The following CDC14A variants were observed in gnomAD, a reference collection of about 807,000 sequenced individuals.
CDC14A encodes dual specificity protein phosphatase CDC14A.
CDC14A carries 53 observed loss-of-function variants against 74.4 expected under a neutral mutation model. The observed-to-expected ratio is 0.71, with a 90% CI of 0.57 to 0.89. The LOEUF (loss-of-function observed/expected upper bound fraction) is 0.89, where lower values mean the gene tolerates loss of function less well. CDC14A is among the 40% of genes least tolerant of loss of function. The pLI, the probability that CDC14A is intolerant of heterozygous loss-of-function variation, is 0.00. For synonymous variants in CDC14A, 247 were observed against 258.4 expected (o/e 0.96, Z 0.43); for missense variants, 646 against 713.7 (o/e 0.91, Z 1.08).
At chr1:100,355,959 A>G (rs1052765361) in intron 2 of CDC14A, among the ~76,000 whole-genome samples, 35 of 152,216 alleles carry the variant, frequency 2.3e-4, no homozygotes, top group African/African-American at 7.0e-4. Context: ...GCTTCGTGGA[A>G]GAGTTAAGAT....
chr1:100,445,074 C>T (rs1665388999), intron 7 of CDC14A, among the ~76,000 whole-genome samples: 2 of 152,130 alleles, frequency 1.3e-5, no homozygotes, highest in South Asian at 4.1e-4. Context: ...ATCTGAATCA[C>T]TGAATGTTAT....
chr1:100,484,650 A>G, intron 11 of CDC14A, 199 bp downstream of exon 11: 1 of 1,169,040 alleles, frequency 8.6e-7, no homozygotes, highest in Non-Finnish European at 1.1e-6. Flanking sequence ...GCTATAATTT[A>G]AGGAGTAAAT....
chr1:100,418,840 C>T (rs1206269981), intron 4 of CDC14A, among the ~76,000 whole-genome samples: 1 of 152,098 alleles, frequency 6.6e-6, no homozygotes, highest in African/African-American at 2.4e-5. Context: ...TCTTTGCTCC[C>T]CAAATGATGT....
intron 2 of CDC14A, among the ~76,000 whole-genome samples, chr1:100,370,195 C>A (rs891497152): frequency 2.0e-4 from 30 of 151,960 alleles, no homozygotes; most frequent in African/African-American, 7.0e-4. Context: ...GTTGCCCAGG[C>A]CGGTCTTGAA....
intron 4 of CDC14A, among the ~76,000 whole-genome samples, chr1:100,406,474 G>C (rs1284642437): frequency 6.6e-6 from 1 of 152,054 alleles, no homozygotes; most frequent in African/African-American, 2.4e-5. Flanking sequence ...GTCCTGAATG[G>C]TATTACATAG....
intron 8 of CDC14A, among the ~76,000 whole-genome samples, chr1:100,461,435 CT>C (rs28364878): frequency 0.28 from 42,674 of 152,224 alleles, 8,136 homozygotes; most frequent in African/African-American, 0.54. Flanking sequence ...GTCTGGTTCA[CT>C]TTGCTGGCTG....
At chr1:100,497,599 C>T (rs1465518879) in intron 13 of CDC14A, among the ~76,000 whole-genome samples, 4 of 152,142 alleles carry the variant, frequency 2.6e-5, no homozygotes, top group Non-Finnish European at 5.9e-5. Context: ...GATGGCCTCG[C>T]CTAGGGTAGT....
chr1:100,428,021 G>T (rs897521071), intron 5 of CDC14A, among the ~76,000 whole-genome samples: 1 of 152,158 alleles, frequency 6.6e-6, no homozygotes, highest in Admixed American at 6.5e-5. Flanking sequence ...GTATGGCATA[G>T]GTTGTATAAT....
At chr1:100,361,099 T>TA (rs11339221) in intron 2 of CDC14A, among the ~76,000 whole-genome samples, 265 of 140,172 alleles carry the variant, frequency 1.9e-3, no homozygotes, top group Middle Eastern at 7.2e-3. Flanking sequence ...CCTTTGTGCT[T>TA]AAAAAAAAAA....
At chr1:100,434,770 C>G (rs1314038030) in intron 5 of CDC14A, among the ~76,000 whole-genome samples, 1 of 151,862 alleles carries the variant, frequency 6.6e-6, no homozygotes, top group Admixed American at 6.6e-5. Context: ...TCAAGAGATT[C>G]TTCTTACATA....
chr1:100,438,439 G>A (rs1173306104), intron 5 of CDC14A, among the ~76,000 whole-genome samples: 1 of 152,068 alleles, frequency 6.6e-6, no homozygotes, highest in Non-Finnish European at 1.5e-5. Flanking sequence ...ATTTATGGTT[G>A]TTTATATAAA....
intron 13 of CDC14A, 56 bp downstream of exon 13, chr1:100,496,105 C>A: frequency 6.9e-7 from 1 of 1,441,922 alleles, no homozygotes; most frequent in Non-Finnish European, 9.7e-7. Flanking sequence ...TTCCTTTTAG[C>A]CATGTTTCCC....
chr1:100,478,847 G>A (rs936085876), intron 10 of CDC14A, among the ~76,000 whole-genome samples: 7 of 152,080 alleles, frequency 4.6e-5, no homozygotes, highest in African/African-American at 1.4e-4. Context: ...GCCTTCCATT[G>A]TCTTCAGTGC....
chr1:100,351,596 A>G, upstream of CDC14A: 1 of 641,086 alleles, frequency 1.6e-6, no homozygotes, highest in Non-Finnish European at 2.7e-6. Flanking sequence ...TCCTCCTTGG[A>G]CCAGTGGACT....
intron 7 of CDC14A, among the ~76,000 whole-genome samples, chr1:100,448,094 A>C (rs191298600): frequency 6.6e-6 from 1 of 152,314 alleles, no homozygotes; most frequent in Non-Finnish European, 1.5e-5. Flanking sequence ...CAGTGGCAAC[A>C]TCGGAGGTTC....
chr1:100,479,177 A>G (rs552167728), intron 10 of CDC14A, among the ~76,000 whole-genome samples: 1 of 152,352 alleles, frequency 6.6e-6, no homozygotes, highest in Admixed American at 6.5e-5. Context: ...GATGAAAAAC[A>G]TCTGTTTAGA....
intron 11 of CDC14A, among the ~76,000 whole-genome samples, chr1:100,490,647 A>G (rs1295508337): frequency 2.0e-5 from 3 of 152,130 alleles, no homozygotes; most frequent in Admixed American, 6.5e-5. Flanking sequence ...TTGACCTCCA[A>G]TTCATTCTCA....
chr1:100,462,617 A>T, intron 8 of CDC14A, 34 bp from the exon 9 acceptor site: 1 of 1,481,576 alleles, frequency 6.7e-7, no homozygotes, highest in South Asian at 1.1e-5. Flanking sequence ...GATGAAATGC[A>T]TGCCTTTTGC....
chr1:100,459,118 C>CAGAGAGAG (rs1413867196), intron 8 of CDC14A, among the ~76,000 whole-genome samples: 8 of 145,818 alleles, frequency 5.5e-5, no homozygotes, highest in African/African-American at 2.1e-4. Context: ...CACACACACA[C>CAGAGAGAG]ACACACACAG....
Sources: gnomAD v4.1 joint callset for allele counts (sites outside exome capture counted in the v4.1 genomes callset) on GRCh38, gnomAD v4.1.1 for gene constraint, MANE v1.5 for transcripts, NCBI Gene and HGNC (gene_info 2026-07-23, HGNC 2026-07-21) for gene names.